The following LRMDA variants were observed in gnomAD, a reference collection of about 807,000 sequenced individuals.
The protein encoded by LRMDA is leucine-rich melanocyte differentiation-associated protein.
A neutral mutation model predicts 29.8 loss-of-function variants in LRMDA; 18 were observed. The observed-to-expected ratio is 0.60, with a 90% CI of 0.42 to 0.90. The LOEUF (loss-of-function observed/expected upper bound fraction) is 0.90, where lower values mean the gene tolerates loss of function less well. Among genes scored for constraint, LRMDA ranks in the 40% least tolerant of loss-of-function variants. The pLI is 0.00. For synonymous variants in LRMDA, 125 were observed against 109.4 expected, an observed-to-expected ratio of 1.14 and a Z score of -0.89; for missense variants, 273 against 273.9, an observed-to-expected ratio of 1.00 and a Z score of 0.02.
At chr10:76,343,780 A>G (rs1841069525) in intron 6 of LRMDA, among the ~76,000 whole-genome samples, 1 of 152,052 alleles carries the variant, frequency 6.6e-6, no homozygotes, top group Admixed American at 6.6e-5. Flanking sequence ...TCAAAGTGGA[A>G]AGCCTATTAT....
In LRMDA at chr10:75,442,849, T is replaced by G. The variant is rs145470259; in HGVS notation, c.131+4355T>G. Among the ~76,000 whole-genome samples the G allele has an allele frequency of 1.7e-3, 262 of 152,294 alleles. 1 individual carries two copies. The highest frequency in any genetic ancestry group is 5.9e-3 in the African/African-American group (246 of 41,578). On this transcript the variant is annotated intron_variant, in intron 2 of 6. Transcript: ENST00000611255. ...ATTGCTTTAGGTCATATGGGATATC[T>G]TCCTTTATGTGTGTATCCTTCAGTT... is the stretch of plus-strand genomic sequence containing the variant.
intron 6 of LRMDA, among the ~76,000 whole-genome samples, chr10:76,483,928 A>G (rs145502843): frequency 9.5e-4 from 144 of 151,876 alleles, no homozygotes; most frequent in African/African-American, 3.4e-3. Context: ...CTGTTTATTT[A>G]CCTCTCTTTC....
intron 2 of LRMDA, among the ~76,000 whole-genome samples, chr10:75,918,112 T>TCA (rs1441484967): frequency 6.6e-6 from 1 of 152,182 alleles, no homozygotes; most frequent in Non-Finnish European, 1.5e-5. Context: ...CTGTGAGAAC[T>TCA]TGATGAGATC....
At chr10:76,202,156 C>T (rs547850235) in intron 5 of LRMDA, among the ~76,000 whole-genome samples, 1 of 152,108 alleles carries the variant, frequency 6.6e-6, no homozygotes. Context: ...AGTTATGTGG[C>T]CAAGCCCAGA....
At chr10:76,112,731 C>T (rs1378425642) in intron 5 of LRMDA, among the ~76,000 whole-genome samples, 1 of 152,234 alleles carries the variant, frequency 6.6e-6, no homozygotes, top group Non-Finnish European at 1.5e-5. Context: ...AATGCCAGAA[C>T]GCTGCCTTTT....
intron 5 of LRMDA, among the ~76,000 whole-genome samples, chr10:76,078,473 T>C (rs1848997434): frequency 6.6e-6 from 1 of 152,160 alleles, no homozygotes; most frequent in Non-Finnish European, 1.5e-5. Flanking sequence ...TTAGGATATT[T>C]ATCTAGAAGA....
At chr10:75,784,616 G>A (rs1475746940) in intron 2 of LRMDA, among the ~76,000 whole-genome samples, 4 of 151,646 alleles carry the variant, frequency 2.6e-5, no homozygotes, top group African/African-American at 7.3e-5. Context: ...GGAGAATGGC[G>A]TGAACCCGGG....
chr10:76,538,185 T>C (rs1476452584), intron 6 of LRMDA, among the ~76,000 whole-genome samples: 3 of 152,030 alleles, frequency 2.0e-5, no homozygotes, highest in Non-Finnish European at 2.9e-5. Context: ...ATATTTTGAG[T>C]GTGTAAACTA....
chr10:75,691,122 A>ATATCTATG (rs1334251400), intron 2 of LRMDA, among the ~76,000 whole-genome samples: 1 of 57,136 alleles, frequency 1.8e-5, no homozygotes, highest in Non-Finnish European at 2.7e-5. Flanking sequence ...ATATATCTAT[A>ATATCTATG]TACATAGATA....
chr10:75,883,485 C>T (rs879333685), intron 2 of LRMDA: 3 of 152,268 alleles, frequency 2.0e-5, no homozygotes, highest in East Asian at 1.9e-4. Context: ...TTGTCTGCAC[C>T]CATCTTCATT....
intron 5 of LRMDA, among the ~76,000 whole-genome samples, chr10:76,115,864 G>A (rs372157038): frequency 7.2e-5 from 11 of 152,244 alleles, no homozygotes; most frequent in African/African-American, 2.4e-4. Context: ...AGGGGGCAGG[G>A]CAGCCAGATG....
At chr10:75,593,757 T>G (rs1035938212) in intron 2 of LRMDA, among the ~76,000 whole-genome samples, 11 of 152,144 alleles carry the variant, frequency 7.2e-5, no homozygotes, top group Admixed American at 7.2e-4. Context: ...AGGGGCTATG[T>G]GGATCCTGTC....
intron 2 of LRMDA, among the ~76,000 whole-genome samples, chr10:75,790,610 C>T (rs1208695461): frequency 1.3e-5 from 2 of 152,176 alleles, no homozygotes; most frequent in Admixed American, 1.3e-4. Context: ...CTTCTTGGTA[C>T]CAAGCTCGGC....
At chr10:75,585,154 C>A (rs911400867) in intron 2 of LRMDA, among the ~76,000 whole-genome samples, 14 of 152,182 alleles carry the variant, frequency 9.2e-5, no homozygotes, top group African/African-American at 3.4e-4. Flanking sequence ...CCGCTTGTAC[C>A]CTTTCTCTCA....
intron 2 of LRMDA, among the ~76,000 whole-genome samples, chr10:76,018,723 A>ACGTG (rs1847920393): frequency 6.6e-6 from 1 of 151,266 alleles, no homozygotes; most frequent in African/African-American, 2.4e-5. Flanking sequence ...GTGCGCCACC[A>ACGTG]TGTGCAGCTG....
chr10:76,265,944 C>T (rs1840001917), intron 5 of LRMDA, among the ~76,000 whole-genome samples: 1 of 152,198 alleles, frequency 6.6e-6, no homozygotes, highest in South Asian at 2.1e-4. Flanking sequence ...AATTAATCAT[C>T]TGCAAGATTT....
chr10:75,694,716 A>G (rs1400256933), intron 2 of LRMDA, among the ~76,000 whole-genome samples: 5 of 152,118 alleles, frequency 3.3e-5, no homozygotes, highest in Non-Finnish European at 7.3e-5. Context: ...TAGTAAGAGG[A>G]GCAGTGTGGC....
chr10:75,606,344 T>G (rs1433698278), intron 2 of LRMDA, among the ~76,000 whole-genome samples: 1 of 152,126 alleles, frequency 6.6e-6, no homozygotes, highest in Non-Finnish European at 1.5e-5. Context: ...GATTCAGAAA[T>G]GGAAAGAAAA....
chr10:76,017,976 G>A (rs192035245), intron 2 of LRMDA, among the ~76,000 whole-genome samples: 98 of 152,336 alleles, frequency 6.4e-4, no homozygotes, highest in African/African-American at 2.3e-3. Flanking sequence ...AATTGAGAAA[G>A]TTCTATTACT....
Sources: gnomAD v4.1 joint callset for allele counts (sites outside exome capture counted in the v4.1 genomes callset) on GRCh38, gnomAD v4.1.1 for gene constraint, MANE v1.5 for transcripts, NCBI Gene and HGNC (gene_info 2026-07-23, HGNC 2026-07-21) for gene names.